NPSR1: variants seen among roughly 807,000 people sequenced by gnomAD.
The protein encoded by NPSR1 is neuropeptide S receptor 1.
NPSR1 carries 48 observed loss-of-function variants against 46.9 expected under a neutral mutation model. The observed-to-expected ratio is 1.02, with a 90% CI of 0.81 to 1.30. NPSR1 has a LOEUF of 1.30. NPSR1 is among the 50% of genes most tolerant of loss of function. The probability of loss-of-function intolerance (pLI) is 0.00; values close to 1 mark genes in which losing one functional copy is unlikely to be tolerated. For missense variants in NPSR1, 450 were observed against 449.5 expected, an observed-to-expected ratio of 1.00 and a Z score of -0.01; for synonymous variants, 176 against 168.1, an observed-to-expected ratio of 1.05 and a Z score of -0.36.
At chr7:34,825,442 G>A (rs1422240906) in intron 4 of NPSR1, among the ~76,000 whole-genome samples, 1 of 152,204 alleles carries the variant, frequency 6.6e-6, no homozygotes, top group Non-Finnish European at 1.5e-5. Context: ...AAAGCATTGT[G>A]GACCAATGAC....
chr7:34,822,244 G>A (rs1409620123), intron 4 of NPSR1, among the ~76,000 whole-genome samples: 4 of 152,172 alleles, frequency 2.6e-5, no homozygotes, highest in African/African-American at 9.7e-5. Context: ...AAGGGCAGCT[G>A]AGAGGCAGGG....
intron 2 of NPSR1, among the ~76,000 whole-genome samples, chr7:34,756,188 C>G (rs1785832221): frequency 6.6e-6 from 1 of 152,152 alleles, no homozygotes; most frequent in African/African-American, 2.4e-5. Flanking sequence ...CCACCGCCCC[C>G]CTACTTCCTG....
chr7:34,689,604 C>CAAAAAAAAAAAAAAAAAAAAAAAAA (rs869170591), intron 2 of NPSR1, among the ~76,000 whole-genome samples: 5 of 36,676 alleles, frequency 1.4e-4, no homozygotes, highest in African/African-American at 2.1e-4. Context: ...GACTCTGTCT[C>CAAAAAAAAAAAAAAAAAAAAAAAAA]AAAAAAAAAA....
At chr7:34,781,847 A>G (rs1584006623) in intron 3 of NPSR1, among the ~76,000 whole-genome samples, 1 of 151,834 alleles carries the variant, frequency 6.6e-6, no homozygotes, top group Non-Finnish European at 1.5e-5. Context: ...GCTAGTTAAC[A>G]CTCCAAGCCC....
At chr7:34,672,558 C>T (rs891740148) in intron 1 of NPSR1, among the ~76,000 whole-genome samples, 1 of 152,102 alleles carries the variant, frequency 6.6e-6, no homozygotes, top group African/African-American at 2.4e-5. Context: ...GATCTACGGC[C>T]CATGGTACTG....
intron 3 of NPSR1, among the ~76,000 whole-genome samples, chr7:34,783,301 A>G (rs938582433): frequency 8.5e-5 from 13 of 152,140 alleles, no homozygotes; most frequent in African/African-American, 2.4e-4. Flanking sequence ...TGGAAGGGAA[A>G]GCAAACATGT....
At chr7:34,659,078 T>C (rs538775771) in intron 1 of NPSR1, among the ~76,000 whole-genome samples, 1 of 152,288 alleles carries the variant, frequency 6.6e-6, no homozygotes, top group African/African-American at 2.4e-5. Flanking sequence ...TCTTTGAGGG[T>C]AGTTGATGAT....
At chr7:34,792,675 GTA>G (rs796939122) in intron 3 of NPSR1, among the ~76,000 whole-genome samples, 1,475 of 81,264 alleles carry the variant, frequency 0.018, 77 homozygotes, top group Non-Finnish European at 0.025. Flanking sequence ...TTATATATAT[GTA>G]TATATATATA....
chr7:34,739,913 C>A (rs1363497921), intron 2 of NPSR1, among the ~76,000 whole-genome samples: 1 of 152,180 alleles, frequency 6.6e-6, no homozygotes, highest in Non-Finnish European at 1.5e-5. Flanking sequence ...TTTAAGAGAG[C>A]ATCAGCTGTG....
At position 34,697,535 on chromosome 7, in the gene NPSR1, T is replaced by C. The variant is rs145609610; in HGVS notation, c.280+12851T>C. ...GCTTAAGTCCCTTACATAAAATAGATAGTATTTGCATATAACCTACATACA... is the reference window on the plus strand; with the variant it reads ...GCTTAAGTCCCTTACATAAAATAGACAGTATTTGCATATAACCTACATACA... On this transcript the variant is annotated intron_variant, in intron 2 of 8. Transcript: ENST00000360581. Among the ~76,000 whole-genome samples, 242 of 152,100 alleles carry C rather than the reference T, an allele frequency of 1.6e-3. 2 individuals are homozygous for C. The highest frequency in any genetic ancestry group is 0.01 in the East Asian group (53 of 5,190).
chr7:34,805,425 T>C (rs1012856789), intron 3 of NPSR1, among the ~76,000 whole-genome samples: 24 of 135,908 alleles, frequency 1.8e-4, no homozygotes, highest in Admixed American at 2.4e-4. Flanking sequence ...CATTGAGAGA[T>C]AGCCTTTTCA....
intron 6 of NPSR1, 109 bp downstream of exon 6, chr7:34,834,569 A>G (rs975208085): frequency 1.2e-6 from 1 of 810,414 alleles, no homozygotes; most frequent in Admixed American, 1.9e-5. Context: ...ATACAGGATC[A>G]TATCAGGACC....
At chr7:34,790,986 TTA>T (rs373581233) in intron 3 of NPSR1, among the ~76,000 whole-genome samples, 1,595 of 110,396 alleles carry the variant, frequency 0.014, 107 homozygotes, top group South Asian at 0.023. Flanking sequence ...ATATGTTATA[TTA>T]TATATGTTAT....
chr7:34,860,217 T>C (rs1393835812), intron 8 of NPSR1, among the ~76,000 whole-genome samples: 1 of 151,530 alleles, frequency 6.6e-6, no homozygotes, highest in Non-Finnish European at 1.5e-5. Context: ...TCTGCAGAGG[T>C]GTTTTGAGGG....
chr7:34,857,493 G>A (rs1791075641), intron 8 of NPSR1, among the ~76,000 whole-genome samples: 1 of 151,666 alleles, frequency 6.6e-6, no homozygotes, highest in Non-Finnish European at 1.5e-5. Context: ...TGGTAACATT[G>A]CAAAGCAGTA....
chr7:34,662,402 A>ACGCATGTC (rs67285682), intron 1 of NPSR1, among the ~76,000 whole-genome samples: 42,470 of 151,470 alleles, frequency 0.28, 7,523 homozygotes, highest in African/African-American at 0.51. Context: ...TTTCAACTCA[A>ACGCATGTC]CGCATGTCCC....
intron 3 of NPSR1, among the ~76,000 whole-genome samples, chr7:34,785,827 ATG>A (rs1329295651): frequency 1.3e-5 from 2 of 152,174 alleles, no homozygotes; most frequent in African/African-American, 4.8e-5. Context: ...AGCCTTTTAA[ATG>A]TGTGATAATA....
At chr7:34,795,558 C>G (rs1260110590) in intron 3 of NPSR1, among the ~76,000 whole-genome samples, 2 of 151,942 alleles carry the variant, frequency 1.3e-5, no homozygotes, top group African/African-American at 2.4e-5. Flanking sequence ...GCAATTAAAG[C>G]AAGATTACAG....
At chr7:34,687,410 G>T (rs1234455953) in intron 2 of NPSR1, among the ~76,000 whole-genome samples, 1 of 152,168 alleles carries the variant, frequency 6.6e-6, no homozygotes, top group Non-Finnish European at 1.5e-5. Flanking sequence ...AAGAGGTTTA[G>T]TTGACTCAGA....
Sources: gnomAD v4.1 joint callset for allele counts (sites outside exome capture counted in the v4.1 genomes callset) on GRCh38, gnomAD v4.1.1 for gene constraint, MANE v1.5 for transcripts, NCBI Gene and HGNC (gene_info 2026-07-23, HGNC 2026-07-21) for gene names.